PPME1: variants seen among roughly 807,000 people sequenced by gnomAD.
The protein encoded by PPME1 is testicular secretory protein Li 39.
A neutral mutation model predicts 56.9 loss-of-function variants in PPME1; 17 were observed. That is an observed-to-expected ratio of 0.30 (90% confidence interval 0.20 to 0.45). The LOEUF (loss-of-function observed/expected upper bound fraction) is 0.45, where lower values mean the gene tolerates loss of function less well. Ranked by LOEUF, PPME1 falls within the 20% of genes least tolerant of loss-of-function variation. The pLI, the probability that PPME1 is intolerant of heterozygous loss-of-function variation, is 1.00. For synonymous variants in PPME1, 122 were observed against 156.2 expected, an observed-to-expected ratio of 0.78 and a Z score of 1.63; for missense variants, 357 against 483.2, an observed-to-expected ratio of 0.74 and a Z score of 2.45.
intron 3 of PPME1, among the ~76,000 whole-genome samples, chr11:74,216,319 C>G (rs990192565): frequency 4.6e-5 from 7 of 152,062 alleles, no homozygotes; most frequent in African/African-American, 1.7e-4. Flanking sequence ...TGAAATAAAA[C>G]TAGTAATCAA....
chr11:74,175,141 A>G (rs1025429971), intron 1 of PPME1, among the ~76,000 whole-genome samples: 5 of 152,180 alleles, frequency 3.3e-5, no homozygotes, highest in South Asian at 2.1e-4. Context: ...CGTATATACT[A>G]TTACTATTAG....
chr11:74,176,469 G>C (rs1239992669), intron 1 of PPME1, among the ~76,000 whole-genome samples: 2 of 151,448 alleles, frequency 1.3e-5, no homozygotes, highest in East Asian at 3.9e-4. Context: ...TTTTTAAAAA[G>C]TTAAATTTAT....
Position 74,203,769 on chromosome 11 carries a change from A to G in PPME1, c.143A>G (p.Gln48Arg). The G allele has an allele frequency of 1.2e-6, 2 of 1,612,516 alleles. No individual in the cohort carries two copies. The highest frequency in any genetic ancestry group is 2.2e-5 in the South Asian group (2 of 90,872). ...KRDFSPVPWS[Q>R]YFESMEDVEV... ...GACTTTTCCCCTGTTCCTTGGAGTC[A>G]GTATTTTGAGTCCATGGAAGATGTA... Residue 48 changes from glutamine (Q) to arginine (R), a missense_variant, in exon 2 of 14, where the codon CAG becomes CGG. Physicochemically the swap from Gln to Arg is conservative, Grantham distance 43 (BLOSUM62 1). This residue lies in a region of PPME1 where 175 missense variants were observed against 189.4 expected (regional missense o/e 0.92). Coordinates refer to ENST00000328257, the MANE Select transcript of PPME1 (RefSeq NM_016147.3).
chr11:74,238,963 T>C (rs930983669), intron 8 of PPME1, 170 bp from the exon 9 acceptor site: 1 of 638,882 alleles, frequency 1.6e-6, no homozygotes, highest in Non-Finnish European at 2.6e-6. Context: ...TAGTTATACA[T>C]TGGCCATGAT....
chr11:74,201,833 A>C (rs1200995554), intron 1 of PPME1, among the ~76,000 whole-genome samples: 1 of 152,216 alleles, frequency 6.6e-6, no homozygotes, highest in African/African-American at 2.4e-5. Context: ...CATGTTTGGC[A>C]TGCCATGTTA....
At position 74,225,242 on chromosome 11, in the gene PPME1, A is replaced by T. The variant is rs746448443; in HGVS notation, c.384A>T (p.Ala128=). Residue 128 remains alanine (A), a synonymous_variant, in exon 5 of 14, where the codon GCA becomes GCT. Transcript: ENST00000328257. ...TKVKNPEDLS[A]ETMAKDVGNV... ...TCAAGAATCCTGAAGATCTGTCTGC[A>T]GAAACAATGGCAAAGTAAGTAACCA... is the stretch of plus-strand genomic sequence containing the variant. 6.4e-7 allele frequency: 1 copy of T among 1,571,082 alleles called. No individual in the cohort carries two copies. The highest frequency in any genetic ancestry group is 8.7e-7 in the Non-Finnish European group (1 of 1,155,234).
At chr11:74,200,592 A>G (rs1253114421) in intron 1 of PPME1, among the ~76,000 whole-genome samples, 3 of 152,108 alleles carry the variant, frequency 2.0e-5, no homozygotes, top group Non-Finnish European at 4.4e-5. Flanking sequence ...AGTGTTGAGC[A>G]GGCTGGTCTC....
intron 9 of PPME1, among the ~76,000 whole-genome samples, chr11:74,241,531 T>C (rs1490338079): frequency 2.0e-5 from 3 of 152,226 alleles, no homozygotes; most frequent in Non-Finnish European, 4.4e-5. Flanking sequence ...ATCGATCATA[T>C]GGTAACTATA....
intron 1 of PPME1, among the ~76,000 whole-genome samples, chr11:74,184,808 T>C (rs1857629792): frequency 1.3e-5 from 2 of 152,122 alleles, no homozygotes; most frequent in South Asian, 4.1e-4. Context: ...TGGGAACTTC[T>C]AGTCTGCTTG....
intron 8 of PPME1, chr11:74,238,616 AAAC>A (rs1301350343): frequency 6.6e-6 from 1 of 152,260 alleles, no homozygotes. Flanking sequence ...TTTAAGAGAA[AAAC>A]AACAATGATA....
chr11:74,183,924 A>C (rs891548566), intron 1 of PPME1, among the ~76,000 whole-genome samples: 1 of 152,312 alleles, frequency 6.6e-6, no homozygotes, highest in Admixed American at 6.5e-5. Context: ...TCCCAATAGC[A>C]ATAGTTTAGA....
intron 3 of PPME1, among the ~76,000 whole-genome samples, chr11:74,220,223 C>T (rs1478887680): frequency 2.6e-5 from 4 of 152,052 alleles, no homozygotes; most frequent in African/African-American, 9.7e-5. Context: ...TTTTCCCAGC[C>T]GACTTCTTAA....
At chr11:74,204,269 A>G (rs556148235) in intron 2 of PPME1, 84 bp from the exon 3 acceptor site, 2 of 1,069,234 alleles carry the variant, frequency 1.9e-6, no homozygotes, top group South Asian at 3.0e-5. Context: ...TTTGCATGTA[A>G]GTTTCTAGCG....
At chr11:74,186,788 A>G (rs1857694845) in intron 1 of PPME1, among the ~76,000 whole-genome samples, 2 of 152,232 alleles carry the variant, frequency 1.3e-5, no homozygotes, top group Admixed American at 6.5e-5. Flanking sequence ...AAGCTAATCC[A>G]TATCACTATC....
chr11:74,181,851 T>C (rs56808069), intron 1 of PPME1, among the ~76,000 whole-genome samples: 9,747 of 152,232 alleles, frequency 0.064, 749 homozygotes, highest in African/African-American at 0.19. Flanking sequence ...AGCTCTGCTG[T>C]TTTAGAGTGA....
At chr11:74,199,370 T>C (rs1858085258) in intron 1 of PPME1, among the ~76,000 whole-genome samples, 1 of 152,246 alleles carries the variant, frequency 6.6e-6, no homozygotes, top group South Asian at 2.1e-4. Flanking sequence ...ATTGTCTCTC[T>C]AGTTTTATAA....
chr11:74,177,022 T>A (rs1481267454), intron 1 of PPME1, among the ~76,000 whole-genome samples: 1 of 152,132 alleles, frequency 6.6e-6, no homozygotes, highest in Admixed American at 6.6e-5. Flanking sequence ...TGAGCCAATT[T>A]TTTTTTAATC....
At chr11:74,219,621 G>C (rs145005575) in intron 3 of PPME1, among the ~76,000 whole-genome samples, 1 of 152,124 alleles carries the variant, frequency 6.6e-6, no homozygotes, top group East Asian at 1.9e-4. Context: ...AGGTCATTAC[G>C]GTAAGTGAAA....
chr11:74,232,903 T>C (rs1859105735), intron 7 of PPME1, among the ~76,000 whole-genome samples: 1 of 144,054 alleles, frequency 6.9e-6, no homozygotes, highest in Non-Finnish European at 1.5e-5. Context: ...GGTTTTATCA[T>C]GTTGGCTCGA....
Sources: allele counts gnomAD v4.1 joint callset (sites outside exome capture counted in the v4.1 genomes callset), GRCh38; gene constraint gnomAD v4.1.1; regional missense constraint gnomAD v4.1.1; transcripts MANE v1.5; gene names NCBI Gene and HGNC (gene_info 2026-07-23, HGNC 2026-07-21).